The following IGF2R variants were observed in gnomAD, a reference collection of about 807,000 sequenced individuals.
IGF2R encodes the protein insulin like growth factor 2 receptor, also known as cation-independent mannose-6-phosphate receptor.
In IGF2R, 91 loss-of-function variants were observed where a neutral mutation model predicts 270.6. The observed-to-expected ratio is 0.34, with a 90% CI of 0.28 to 0.40. The LOEUF (loss-of-function observed/expected upper bound fraction) is 0.40, where lower values mean the gene tolerates loss of function less well. Ranked by LOEUF, IGF2R falls within the 10% of genes least tolerant of loss-of-function variation. IGF2R has a pLI of 1.00. For missense variants in IGF2R, 2,805 were observed against 3,188.3 expected (o/e 0.88, Z 2.90); for synonymous variants, 1,316 against 1,258.9 (o/e 1.05, Z -0.96).
rs138033474 is a variant in IGF2R at position 160,020,459 on chromosome 6, G to C, written c.514-4113G>C. On this transcript the variant is annotated intron_variant, in intron 4 of 47. Transcript: ENST00000356956. Reference sequence around the variant, plus strand: ...AATTAGAAAAAGTCCTAAAATTCATGTGGTCCCCCAAAAAATCTTAATAGC... The same window carrying C: ...AATTAGAAAAAGTCCTAAAATTCATCTGGTCCCCCAAAAAATCTTAATAGC... 4.5e-3 allele frequency among the ~76,000 whole-genome samples: 680 copies of C among 152,202 alleles called. 5 individuals are homozygous for C. Among genetic ancestry groups the C allele is most frequent in the Middle Eastern group, 0.02 (6 of 294 alleles).
chr6:159,980,140 C>CTTTCTAACATGG lies in IGF2R; in HGVS notation c.149+10745_149+10746insTTTCTAACATGG. On this transcript the variant is annotated intron_variant, in intron 1 of 47. Coordinates refer to ENST00000356956, the MANE Select transcript of IGF2R (RefSeq NM_000876.4). ...AGCTTGCAGTGAGCTGAGATCGCAC[C>CTTTCTAACATGG]GCTGCACTCCAGCCTGGGCAACACA... 3.3e-5 allele frequency among the ~76,000 whole-genome samples: 5 copies of CTTTCTAACATGG among 150,328 alleles called. No homozygotes were observed. The South Asian group carries it at 1.1e-3, about 32-fold the overall frequency.
chr6:160,061,634 C>G lies in IGF2R; in HGVS notation c.3394C>G (p.Pro1132Ala). ...LSVCNPLPYI[P>A]GCQGSAVGSC... Reference sequence around the variant, plus strand: ...CGTTTGCAATCCTCTCCCTTACATTCCTGGATGCCAGGGTGAGTTCTCCTT... The same window carrying G: ...CGTTTGCAATCCTCTCCCTTACATTGCTGGATGCCAGGGTGAGTTCTCCTT... The change falls in exon 24 of 48, where the codon CCT becomes GCT. Residue 1132 changes from proline to alanine, a missense_variant. Physicochemically the swap from Pro to Ala is conservative, Grantham distance 27. Coordinates refer to ENST00000356956, the MANE Select transcript of IGF2R (RefSeq NM_000876.4). The G allele has an allele frequency of 6.2e-7, 1 of 1,614,142 alleles. No homozygotes were observed. Among genetic ancestry groups the G allele is most frequent in the Non-Finnish European group, 8.5e-7 (1 of 1,180,012 alleles).
chr6:160,021,849 A>T (rs1363874437), intron 4 of IGF2R, among the ~76,000 whole-genome samples: 1 of 152,214 alleles, frequency 6.6e-6, no homozygotes, highest in Non-Finnish European at 1.5e-5. Context: ...TAAAAATAGA[A>T]CTACCATTTG....
intron 45 of IGF2R, among the ~76,000 whole-genome samples, chr6:160,101,553 T>A (rs1779485241): frequency 6.6e-6 from 1 of 152,266 alleles, no homozygotes; most frequent in Non-Finnish European, 1.5e-5. Context: ...GGTTGGCCTG[T>A]TGCCCTCAAC....
intron 1 of IGF2R, among the ~76,000 whole-genome samples, chr6:159,983,972 G>C (rs527378979): frequency 2.0e-5 from 3 of 152,228 alleles, no homozygotes; most frequent in African/African-American, 7.2e-5. Context: ...AGAGAAAGCA[G>C]AACTGGACTG....
Position 160,050,641 on chromosome 6 carries a change from A to G in IGF2R, c.2683A>G (p.Arg895Gly). The G allele has an allele frequency of 1.9e-6, 3 of 1,604,042 alleles. No homozygotes were observed. Among genetic ancestry groups the G allele is most frequent in the Non-Finnish European group, 2.6e-6 (3 of 1,172,130 alleles). Reference protein sequence around the residue: ...YTTRIHLVCSRGRLNSHPIFS... With the variant: ...YTTRIHLVCSGGRLNSHPIFS... ...CACGAGGATCCATCTCGTCTGCTCC[A>G]GGGGCAGGCTGGTAAGGCACTGCTG... The change falls in exon 19 of 48, where the codon AGG becomes GGG. Residue 895 changes from arginine to glycine, a missense_variant. This residue lies in a region of IGF2R where 1,851 missense variants were observed against 2,207.2 expected (regional missense o/e 0.84). Coordinates refer to ENST00000356956, the MANE Select transcript of IGF2R (RefSeq NM_000876.4). This position sits in a 1 kb window ranked among gnomAD's most constrained non-coding sequence, Gnocchi z 4.0.
Position 160,096,456 on chromosome 6 carries a change from G to C in IGF2R, c.6673G>C (p.Val2225Leu). The stretch of plus-strand genomic sequence containing the variant: ...TTTGACAGACGGCGATCTCGATGTC[G>C]TGTTTGCCTCTTCCTCTAAGTGCGG... ...YYLQDGDLDVVFASSSKCGKD... is the reference protein window; with the variant it reads ...YYLQDGDLDVLFASSSKCGKD... Residue 2225 changes from valine to leucine, a missense_variant, in exon 45 of 48, where the codon GTG becomes CTG. Coordinates refer to ENST00000356956, the MANE Select transcript of IGF2R (RefSeq NM_000876.4). 6.2e-7 allele frequency: 1 copy of C among 1,611,460 alleles called. No individual in the cohort carries two copies. The highest frequency in any genetic ancestry group is 8.5e-7 in the Non-Finnish European group (1 of 1,178,592).
chr6:160,000,728 GTTTTT>G (rs59215791), intron 2 of IGF2R, among the ~76,000 whole-genome samples: 2 of 69,946 alleles, frequency 2.9e-5, no homozygotes, highest in African/African-American at 1.2e-4. Context: ...GTGTGAGGTT[GTTTTT>G]TTTTTTTTTT....
chr6:159,978,340 G>A (rs1287415014), intron 1 of IGF2R, among the ~76,000 whole-genome samples: 3 of 152,082 alleles, frequency 2.0e-5, no homozygotes, highest in African/African-American at 4.8e-5. Flanking sequence ...TTGATAATTC[G>A]AGGTGTGGAG....
At position 160,089,350 on chromosome 6, in the gene IGF2R, G is replaced by C. The variant is rs183464396; in HGVS notation, c.6467+97G>C. The C allele has an allele frequency of 2.7e-4, 301 of 1,128,140 alleles. 1 individual carries two copies. In the East Asian group the frequency reaches 4.0e-3, roughly 15 times the overall value. 69.9% of individuals were successfully genotyped at this position (1,128,140 alleles called of 1,614,324 possible). On this transcript the variant is annotated intron_variant, in intron 43 of 47. Transcript: ENST00000356956. ...ATCGGGGAGCACTGCAGGATAAATAGGTCTGTGTTTTAGTTACTGTTGCTG... is the reference window on the plus strand; with the variant it reads ...ATCGGGGAGCACTGCAGGATAAATACGTCTGTGTTTTAGTTACTGTTGCTG...
intron 9 of IGF2R, 95 bp downstream of exon 9, chr6:160,033,202 T>TGCACCGAGATTGCACCA: frequency 1.2e-6 from 1 of 803,148 alleles, no homozygotes; most frequent in Non-Finnish European, 2.0e-6. Context: ...AGTGGTGCAA[T>TGCACCGAGATTGCACCA]CTCGGTGCAT....
At position 160,008,997 on chromosome 6, in the gene IGF2R, TC is replaced by T; in HGVS notation, c.290-12del. 3 of 1,613,592 alleles carry T rather than the reference TC, an allele frequency of 1.9e-6. No individual in the cohort carries two copies. The highest frequency in any genetic ancestry group is 2.5e-6 in the Non-Finnish European group (3 of 1,179,698). ...GTTTTATAGCCTGTTCACTCTCTTT[TC>T]TCTCCAAATAGGTGACTCTGTTTTG... On this transcript the variant is annotated splice_polypyrimidine_tract_variant and intron_variant, in intron 2 of 47. Coordinates refer to ENST00000356956, the MANE Select transcript of IGF2R (RefSeq NM_000876.4).
At chr6:159,972,601 A>G (rs1018567686) in intron 1 of IGF2R, among the ~76,000 whole-genome samples, 16 of 152,324 alleles carry the variant, frequency 1.1e-4, no homozygotes, top group African/African-American at 3.4e-4. Flanking sequence ...GCTTAGACCC[A>G]CAAGAGGGAC....
At chr6:160,059,525 C>T (rs1157436959) in intron 22 of IGF2R, among the ~76,000 whole-genome samples, 1 of 152,126 alleles carries the variant, frequency 6.6e-6, no homozygotes, top group African/African-American at 2.4e-5. Flanking sequence ...CTGTGGGTCT[C>T]GGAACATATC....
chr6:160,027,564 C>T (rs1378693368), intron 6 of IGF2R, among the ~76,000 whole-genome samples: 1 of 152,216 alleles, frequency 6.6e-6, no homozygotes, highest in Non-Finnish European at 1.5e-5. Context: ...TAGTACATAC[C>T]TGTATTTGCC....
At chr6:159,988,314 G>C (rs545846359) in intron 1 of IGF2R, among the ~76,000 whole-genome samples, 2 of 152,130 alleles carry the variant, frequency 1.3e-5, no homozygotes, top group East Asian at 3.9e-4. Context: ...AGGAGATTAA[G>C]ACCATCCTGG....
intron 1 of IGF2R, among the ~76,000 whole-genome samples, chr6:159,972,364 G>A (rs1219083105): frequency 2.0e-5 from 3 of 152,164 alleles, no homozygotes; most frequent in East Asian, 1.9e-4. Context: ...AATTTCATAC[G>A]TGGAATGTGT....
Position 160,070,044 on chromosome 6 carries a change from A to G in IGF2R, c.4429A>G (p.Ser1477Gly), listed in dbSNP as rs1778681170. Residue 1477 changes from serine to glycine, a missense_variant, in exon 31 of 48, where the codon AGC becomes GGC. Transcript: ENST00000356956. The stretch of plus-strand genomic sequence containing the variant: ...GTCAACCACCATCCGATTCACCTGC[A>G]GCGAGAGCCAAGTGGTAAGGGACTG... ...KKSTTIRFTC[S>G]ESQVNSRPMF... is the part of the protein sequence containing the mutation. 1 of 1,614,112 alleles carries G rather than the reference A, an allele frequency of 6.2e-7. No homozygotes were observed. Among genetic ancestry groups the G allele is most frequent in the African/African-American group, 1.3e-5 (1 of 74,956 alleles).
intron 44 of IGF2R, chr6:160,094,359 G>A: frequency 4.5e-6 from 1 of 221,962 alleles, no homozygotes; most frequent in Non-Finnish European, 9.1e-6. Flanking sequence ...GATGTAGACT[G>A]CACCTGCTGC....
Sources: allele counts gnomAD v4.1 joint callset (sites outside exome capture counted in the v4.1 genomes callset), GRCh38; gene constraint gnomAD v4.1.1; regional missense constraint gnomAD v4.1.1; non-coding constraint Gnocchi (gnomAD v3.1); transcripts MANE v1.5; gene names NCBI Gene and HGNC (gene_info 2026-07-23, HGNC 2026-07-21).